CEP63: variants seen among roughly 807,000 people sequenced by gnomAD.
CEP63 encodes the protein centrosomal protein 63.
Under a neutral mutation model 89.1 loss-of-function variants are expected in CEP63, and 84 were observed. The observed-to-expected ratio is 0.94, with a 90% CI of 0.79 to 1.13. CEP63 has a LOEUF of 1.13. Ranked by LOEUF, CEP63 falls within the 50% of genes most tolerant of loss-of-function variation. CEP63 has a pLI of 0.00. For missense variants in CEP63, 838 were observed against 813.3 expected, an observed-to-expected ratio of 1.03 and a Z score of -0.37; for synonymous variants, 267 against 272.5, an observed-to-expected ratio of 0.98 and a Z score of 0.20.
the CEP63 span, among the ~76,000 whole-genome samples, chr3:134,626,585 C>A: frequency 6.6e-6 from 1 of 152,180 alleles, no homozygotes; most frequent in South Asian, 2.1e-4. Context: ...GTCAGGGCTG[C>A]CACTGTCAGT....
At chr3:134,693,444 C>CAA in the CEP63 span, among the ~76,000 whole-genome samples, 136 of 151,706 alleles carry the variant, frequency 9.0e-4, no homozygotes, top group African/African-American at 2.4e-3. Context: ...CTTCTGTAAG[C>CAA]AAAAAAAAGA....
At chr3:134,628,631 A>G in the CEP63 span, among the ~76,000 whole-genome samples, 1 of 152,222 alleles carries the variant, frequency 6.6e-6, no homozygotes, top group East Asian at 1.9e-4. Context: ...TTTTGATAGA[A>G]TGATAAAGGT....
intron 2 of CEP63, among the ~76,000 whole-genome samples, chr3:134,501,558 A>G (rs1275562441): frequency 8.8e-6 from 1 of 113,936 alleles, no homozygotes; most frequent in Non-Finnish European, 1.8e-5. Context: ...CTGTAGTTAG[A>G]TGTATTCTTA....
the CEP63 span, among the ~76,000 whole-genome samples, chr3:134,707,907 A>G: frequency 3.9e-5 from 6 of 152,006 alleles, no homozygotes; most frequent in East Asian, 1.9e-4. Context: ...GCTGTCCCCA[A>G]AAGAGCTGGG....
At chr3:134,716,166 A>G in the CEP63 span, among the ~76,000 whole-genome samples, 1 of 152,178 alleles carries the variant, frequency 6.6e-6, no homozygotes, top group Non-Finnish European at 1.5e-5. Flanking sequence ...AATTTGTTTT[A>G]TAAGATTCCA....
At chr3:134,487,394 G>A (rs939413859) in intron 1 of CEP63, among the ~76,000 whole-genome samples, 1 of 152,216 alleles carries the variant, frequency 6.6e-6, no homozygotes, top group Non-Finnish European at 1.5e-5. Context: ...TAAAATGTAT[G>A]TAGATGCAAA....
intron 3 of CEP63, among the ~76,000 whole-genome samples, chr3:134,515,779 T>A (rs190011346): frequency 6.6e-6 from 1 of 152,242 alleles, no homozygotes; most frequent in East Asian, 1.9e-4. Flanking sequence ...GGGCCACACA[T>A]AAAATACACT....
At chr3:134,498,979 G>A (rs1328407646) in intron 2 of CEP63, among the ~76,000 whole-genome samples, 1 of 152,180 alleles carries the variant, frequency 6.6e-6, no homozygotes, top group African/African-American at 2.4e-5. Context: ...GTTCATCAGG[G>A]ATATTGGCAT....
the CEP63 span, among the ~76,000 whole-genome samples, chr3:134,684,516 G>A: frequency 6.6e-6 from 1 of 152,160 alleles, no homozygotes; most frequent in Admixed American, 6.5e-5. Flanking sequence ...TCCTGCCATC[G>A]CAAGGACGCT....
chr3:134,744,058 A>G, the CEP63 span, among the ~76,000 whole-genome samples: 8 of 152,154 alleles, frequency 5.3e-5, no homozygotes, highest in African/African-American at 1.9e-4. Context: ...CCCCACCCCC[A>G]GCCATCCAGC....
chr3:134,648,524 A>T, the CEP63 span, among the ~76,000 whole-genome samples: 1 of 152,070 alleles, frequency 6.6e-6, no homozygotes, highest in African/African-American at 2.4e-5. Flanking sequence ...GAGTATATGC[A>T]CTCTACTTTC....
chr3:134,485,991 G>GCCCCCC (rs5852785), upstream of CEP63: 378 of 940,252 alleles, frequency 4.0e-4, 2 homozygotes, highest in African/African-American at 2.8e-3. Context: ...CTCCTGCCAC[G>GCCCCCC]CCCCCCCCCC....
At chr3:134,676,155 CA>C in the CEP63 span, among the ~76,000 whole-genome samples, 4 of 152,166 alleles carry the variant, frequency 2.6e-5, no homozygotes, top group Non-Finnish European at 5.9e-5. Flanking sequence ...TTATTCTTAA[CA>C]GCTTTAAAGT....
the CEP63 span, chr3:134,608,674 G>A: frequency 6.2e-7 from 1 of 1,614,062 alleles, no homozygotes; most frequent in Admixed American, 1.7e-5. Context: ...AAGTCTCTGG[G>A]TGGGCACTCA....
the CEP63 span, among the ~76,000 whole-genome samples, chr3:134,669,199 TA>T: frequency 1.3e-5 from 2 of 151,302 alleles, no homozygotes; most frequent in African/African-American, 4.9e-5. Context: ...CTTAATTTTT[TA>T]AATGTTTTTT....
the CEP63 span, among the ~76,000 whole-genome samples, chr3:134,653,821 C>A: frequency 1.3e-5 from 2 of 152,152 alleles, no homozygotes; most frequent in Admixed American, 6.5e-5. Context: ...TTCCTTTTTC[C>A]CTACCAAACC....
chr3:134,564,915 G>T lies in CEP63; in HGVS notation c.*3380G>T, dbSNP rs1957681188. ...AATTATACTGTTTTTTAAAGCTGAA[G>T]TATCTAATAGTTAATGGGTTGTCCA... On this transcript the variant is annotated 3_prime_UTR_variant, in exon 15 of 15. Coordinates refer to ENST00000675561, the MANE Select transcript of CEP63 (RefSeq NM_001353108.3). 1.0e-6 allele frequency: 1 copy of T among 983,480 alleles called. No homozygotes were observed. Among genetic ancestry groups the T allele is most frequent in the Non-Finnish European group, 1.2e-6 (1 of 828,306 alleles). The allele number at this position is 983,480 out of a possible 1,614,324, so 60.9% of individuals were successfully genotyped here. A position where few individuals can be genotyped will look rare whatever the true frequency, so the allele number is the denominator to read the frequency against.
chr3:134,722,597 T>G, the CEP63 span, among the ~76,000 whole-genome samples: 2 of 152,200 alleles, frequency 1.3e-5, no homozygotes, highest in South Asian at 2.1e-4. Context: ...TTGATTAGGA[T>G]GTAGTTTGTT....
intron 3 of CEP63, among the ~76,000 whole-genome samples, chr3:134,522,282 G>A (rs915189913): frequency 1.3e-5 from 2 of 152,134 alleles, no homozygotes; most frequent in Non-Finnish European, 2.9e-5. Context: ...CCAGGCAGGA[G>A]GAATCATTAG....
Sources: allele counts gnomAD v4.1 joint callset (sites outside exome capture counted in the v4.1 genomes callset), GRCh38; gene constraint gnomAD v4.1.1; transcripts MANE v1.5; gene names NCBI Gene and HGNC (gene_info 2026-07-23, HGNC 2026-07-21).